The following CHST9 variants were observed in gnomAD, a reference collection of about 807,000 sequenced individuals.
CHST9 encodes the protein GalNAc-4-sulfotransferase 2.
In CHST9, 41 loss-of-function variants were observed where a neutral mutation model predicts 44.4. The observed-to-expected ratio is 0.92, with a 90% CI of 0.72 to 1.20. The LOEUF (loss-of-function observed/expected upper bound fraction) is 1.20. Among genes scored for constraint, CHST9 ranks in the 50% most tolerant of loss-of-function variants. The pLI, the probability that CHST9 is intolerant of heterozygous loss-of-function variation, is 0.00. For missense variants in CHST9, 504 were observed against 516.5 expected (o/e 0.98, Z 0.23); for synonymous variants, 171 against 178.4 (o/e 0.96, Z 0.33).
chr18:27,085,925 A>G (rs2058008179), intron 2 of CHST9, among the ~76,000 whole-genome samples: 1 of 152,334 alleles, frequency 6.6e-6, no homozygotes, highest in South Asian at 2.1e-4. Flanking sequence ...ATAGCATGGA[A>G]TACTACACAG....
At chr18:26,972,104 C>T (rs1408885644) in intron 4 of CHST9, among the ~76,000 whole-genome samples, 1 of 152,004 alleles carries the variant, frequency 6.6e-6, no homozygotes, top group Non-Finnish European at 1.5e-5. Context: ...CGTCTGCAAT[C>T]CCAGCACTTT....
intron 2 of CHST9, among the ~76,000 whole-genome samples, chr18:27,101,358 G>A (rs1246844936): frequency 5.9e-5 from 9 of 152,076 alleles, no homozygotes; most frequent in African/African-American, 2.2e-4. Context: ...TTGGGAGGCC[G>A]AGGCGGGTGG....
chr18:27,037,227 T>C (rs1341526003), intron 3 of CHST9, among the ~76,000 whole-genome samples: 19 of 152,208 alleles, frequency 1.2e-4, no homozygotes, highest in Admixed American at 1.1e-3. Flanking sequence ...GCCATCTTCA[T>C]AGCCAAACCT....
rs1285287902 is a variant in CHST9, at chr18:26,908,459, T to G, written c.*7800A>C. On this transcript the variant is annotated 3_prime_UTR_variant, in exon 6 of 6. Coordinates refer to ENST00000618847, the MANE Select transcript of CHST9 (RefSeq NM_031422.6). ...AAGATGGGGAGGGATAGGAAAATAT[T>G]CATTAAAAGGATACCAAAAAATGAT... 1.3e-5 allele frequency: 2 copies of G among 151,920 alleles called. No homozygotes were observed. Among genetic ancestry groups the G allele is most frequent in the African/African-American group, 2.4e-5 (1 of 41,384 alleles). The allele number at this position is 151,920 out of a possible 1,614,324, so 9.4% of individuals were successfully genotyped here. A position where few individuals can be genotyped will look rare whatever the true frequency, so the allele number is the denominator to read the frequency against.
intron 2 of CHST9, among the ~76,000 whole-genome samples, chr18:27,108,287 G>C (rs148975334): frequency 1.9e-3 from 295 of 152,070 alleles, no homozygotes; most frequent in African/African-American, 6.4e-3. Flanking sequence ...AAAATTCCCT[G>C]GTTTGACTTT....
chr18:27,079,412 G>C (rs1288433477), intron 2 of CHST9, among the ~76,000 whole-genome samples: 2 of 151,994 alleles, frequency 1.3e-5, no homozygotes, highest in Non-Finnish European at 2.9e-5. Context: ...ACAATATCTA[G>C]AATTTCTCTT....
intron 2 of CHST9, among the ~76,000 whole-genome samples, chr18:27,105,633 G>A (rs2058214569): frequency 6.6e-6 from 1 of 152,136 alleles, no homozygotes; most frequent in Non-Finnish European, 1.5e-5. Context: ...TTCAAGTCCT[G>A]CAAGGGACCC....
At chr18:27,000,138 C>G (rs921369375) in intron 4 of CHST9, among the ~76,000 whole-genome samples, 1 of 152,176 alleles carries the variant, frequency 6.6e-6, no homozygotes, top group African/African-American at 2.4e-5. Context: ...TACCTCTTAC[C>G]CCATCCCTGG....
At chr18:26,933,486 C>G (rs1324011867) in intron 5 of CHST9, 1 of 153,354 alleles carries the variant, frequency 6.5e-6, no homozygotes, top group South Asian at 2.1e-4. Context: ...GTGAGAACCT[C>G]GCGCTAAGCT....
chr18:27,165,633 C>T (rs996559301), intron 1 of CHST9, among the ~76,000 whole-genome samples: 2 of 152,182 alleles, frequency 1.3e-5, no homozygotes, highest in African/African-American at 2.4e-5. Context: ...ATAGGCTTGT[C>T]TGTCTCCAAA....
chr18:27,116,826 C>T (rs190741899), intron 2 of CHST9, among the ~76,000 whole-genome samples: 29 of 152,052 alleles, frequency 1.9e-4, no homozygotes, highest in Admixed American at 1.8e-3. Flanking sequence ...TTAAATGTAT[C>T]CTTAATTTTG....
At chr18:27,101,250 A>C (rs564815377) in intron 2 of CHST9, among the ~76,000 whole-genome samples, 91 of 152,298 alleles carry the variant, frequency 6.0e-4, no homozygotes, top group Non-Finnish European at 9.3e-4. Flanking sequence ...CAGAGGTAAA[A>C]AATATATATA....
chr18:26,929,604 T>C (rs2055839165), intron 5 of CHST9, among the ~76,000 whole-genome samples: 1 of 152,134 alleles, frequency 6.6e-6, no homozygotes, highest in South Asian at 2.1e-4. Context: ...ATTAATAGTA[T>C]CCATAGGCCA....
intron 4 of CHST9, among the ~76,000 whole-genome samples, chr18:26,973,195 A>G (rs528942199): frequency 6.6e-6 from 1 of 152,246 alleles, no homozygotes; most frequent in Non-Finnish European, 1.5e-5. Flanking sequence ...CTGCAGTCCT[A>G]TAGTTTACCT....
Position 27,014,702 on chromosome 18 carries a change from C to G in CHST9, c.202+9414G>C, listed in dbSNP as rs187375404. On this transcript the variant is annotated intron_variant, in intron 4 of 5. Coordinates refer to ENST00000618847, the MANE Select transcript of CHST9 (RefSeq NM_031422.6). ...CCTGAAAAAAAACATTTAAATTGAA[C>G]AGTGATTGATTGAAAAATATTTTCT... Among the ~76,000 whole-genome samples, 259 of 151,962 alleles carry G rather than the reference C, an allele frequency of 1.7e-3. 2 individuals carry two copies. The highest frequency in any genetic ancestry group is 3.2e-3 in the Non-Finnish European group (218 of 67,972).
At position 26,917,250 on chromosome 18, in the gene CHST9, G is replaced by C; in HGVS notation, c.341C>G (p.Ser114Ter). 1 of 1,613,844 alleles carries C rather than the reference G, an allele frequency of 6.2e-7. No individual in the cohort carries two copies. Among genetic ancestry groups the C allele is most frequent in the Non-Finnish European group, 8.5e-7 (1 of 1,179,832 alleles). Residue 114 changes from serine to a stop codon, truncating the protein, a stop_gained, in exon 6 of 6, where the codon TCA becomes TGA. Transcript: ENST00000618847. LOFTEE classifies it high-confidence loss of function. ...STRLLTKTSH[S>*]QGGDQALSKS... is the part of the protein sequence containing the mutation. The stretch of plus-strand genomic sequence containing the variant: ...ACTTAAAGCTTGATCCCCTCCTTGT[G>C]AATGACTGGTCTTTGTTAAGAGCCT...
At chr18:26,992,648 T>C (rs1319139620) in intron 4 of CHST9, among the ~76,000 whole-genome samples, 1 of 152,114 alleles carries the variant, frequency 6.6e-6, no homozygotes, top group African/African-American at 2.4e-5. Context: ...AATGTGATTT[T>C]GTGTGCCTTG....
intron 5 of CHST9, among the ~76,000 whole-genome samples, chr18:26,929,824 T>C (rs2055844099): frequency 6.6e-6 from 1 of 152,058 alleles, no homozygotes; most frequent in East Asian, 1.9e-4. Flanking sequence ...TGAGAGGGCA[T>C]CTGAGTCAAG....
chr18:26,911,257 G>A lies in CHST9; in HGVS notation c.*5002C>T, dbSNP rs1409179060. On this transcript the variant is annotated 3_prime_UTR_variant, in exon 6 of 6. Transcript: ENST00000618847. ...TTCCACTGAGTGCCTTGCTAGACAT[G>A]GTACAAAGTGCATTCAACAGACACA... The A allele has an allele frequency of 6.6e-6, 1 of 152,150 alleles. No individual in the cohort carries two copies. The allele number at this position is 152,150 out of a possible 1,614,324, so 9.4% of individuals were successfully genotyped here.
Sources: allele counts gnomAD v4.1 joint callset (sites outside exome capture counted in the v4.1 genomes callset), GRCh38; gene constraint gnomAD v4.1.1; transcripts MANE v1.5; gene names NCBI Gene and HGNC (gene_info 2026-07-23, HGNC 2026-07-21).